DRC1: variants seen among roughly 807,000 people sequenced by gnomAD.
DRC1 encodes the protein dynein regulatory complex subunit 1, also known as dynein regulatory complex protein 1.
A neutral mutation model predicts 98.7 loss-of-function variants in DRC1; 74 were observed. That is an observed-to-expected ratio of 0.75 (90% CI 0.62 to 0.91). The LOEUF (loss-of-function observed/expected upper bound fraction) is 0.91. Among genes scored for constraint, DRC1 ranks in the 40% least tolerant of loss-of-function variants. The pLI, the probability that DRC1 is intolerant of heterozygous loss-of-function variation, is 0.00. For synonymous variants in DRC1, 336 were observed against 334.1 expected (o/e 1.01, Z -0.06); for missense variants, 875 against 886.0 (o/e 0.99, Z 0.16).
chr2:26,444,646 G>A, intron 9 of DRC1, 70 bp from the exon 10 acceptor site: 2 of 1,417,996 alleles, frequency 1.4e-6, no homozygotes, highest in Non-Finnish European at 2.0e-6. Context: ...TTCCTGCCCT[G>A]CTGCTATTTG....
At chr2:26,456,377 TG>T in intron 16 of DRC1, 83 bp from the exon 17 acceptor site, 1 of 1,555,732 alleles carries the variant, frequency 6.4e-7, no homozygotes, top group Non-Finnish European at 8.8e-7. Context: ...TGGAGGCCCA[TG>T]GGAGAGCCAG....
intron 8 of DRC1, among the ~76,000 whole-genome samples, chr2:26,441,383 A>G (rs1558449836): frequency 1.3e-5 from 2 of 152,226 alleles, no homozygotes; most frequent in African/African-American, 2.4e-5. Flanking sequence ...GTAGTTACTT[A>G]TTACAGAAAA....
At position 26,444,185 on chromosome 2, in the gene DRC1, A is replaced by C. The variant is rs375562110; in HGVS notation, c.1029-37A>C. The C allele has an allele frequency of 1.0e-4, 164 of 1,613,392 alleles. 2 individuals are homozygous for C. The African/African-American group carries it at 1.9e-3, about 19-fold the overall frequency. ...GAGAGGAACATACATAATACCTTCT[A>C]TTCAGCTGCAGACTAACCTTTTTCT... is the stretch of plus-strand genomic sequence containing the variant. On this transcript the variant is annotated intron_variant, in intron 8 of 16. Coordinates refer to ENST00000288710, the MANE Select transcript of DRC1 (RefSeq NM_145038.5).
At chr2:26,420,467 G>A (rs763634450) in intron 2 of DRC1, among the ~76,000 whole-genome samples, 1 of 152,134 alleles carries the variant, frequency 6.6e-6, no homozygotes, top group Non-Finnish European at 1.5e-5. Context: ...AAAGGCTCCC[G>A]GCAGTGTCAG....
intron 16 of DRC1, 141 bp from the exon 17 acceptor site, chr2:26,456,320 G>C (rs1664170003): frequency 1.0e-6 from 1 of 992,414 alleles, no homozygotes; most frequent in Admixed American, 2.2e-5. Context: ...GCAGTCTGTG[G>C]GTGTTCAGCA....
chr2:26,407,436 T>A, intron 1 of DRC1, among the ~76,000 whole-genome samples: 1 of 152,174 alleles, frequency 6.6e-6, no homozygotes, highest in East Asian at 1.9e-4. Context: ...TATTCATCCG[T>A]GAGGATTTAA....
chr2:26,442,365 G>A (rs1663739997), intron 8 of DRC1, among the ~76,000 whole-genome samples: 1 of 152,220 alleles, frequency 6.6e-6, no homozygotes, highest in Non-Finnish European at 1.5e-5. Flanking sequence ...TTCTAGCCAA[G>A]CGCAGTGGCT....
chr2:26,452,777 C>G (rs955605442), intron 13 of DRC1, among the ~76,000 whole-genome samples: 1 of 152,056 alleles, frequency 6.6e-6, no homozygotes, highest in African/African-American at 2.4e-5. Context: ...AGTGTAAAAG[C>G]AAACTACAGA....
At chr2:26,438,250 C>T (rs533126703) in intron 7 of DRC1, among the ~76,000 whole-genome samples, 11 of 152,150 alleles carry the variant, frequency 7.2e-5, no homozygotes, top group South Asian at 2.1e-4. Context: ...GAGGGAAACA[C>T]GCCAACATTA....
chr2:26,409,867 G>A (rs1678541889), intron 1 of DRC1, among the ~76,000 whole-genome samples: 1 of 151,950 alleles, frequency 6.6e-6, no homozygotes, highest in Non-Finnish European at 1.5e-5. Context: ...AGGCATCTGA[G>A]GAAAGTCTTT....
At position 26,455,244 on chromosome 2, in the gene DRC1, G is replaced by A. The variant is rs765196304; in HGVS notation, c.2166+11G>A. On this transcript the variant is annotated intron_variant, in intron 16 of 16. Coordinates refer to ENST00000288710, the MANE Select transcript of DRC1 (RefSeq NM_145038.5). ...TATCTGAACTCCAAGGTGGGCGGCG[G>A]GGCCTTCCAAGGAGGGGCAGCGGGA... 3 of 1,610,060 alleles carry A rather than the reference G, an allele frequency of 1.9e-6. No homozygotes were observed. Among genetic ancestry groups the A allele is most frequent in the Non-Finnish European group, 2.5e-6 (3 of 1,177,950 alleles).
Position 26,450,691 on chromosome 2 carries a change from G to A in DRC1, c.1689+10G>A. ...ATCTTCCAGCCTCCAGGTAAGGCAA[G>A]GTGCAGAGAGAAGAAAGCATTTTCT... On this transcript the variant is annotated intron_variant, in intron 13 of 16. Coordinates refer to ENST00000288710, the MANE Select transcript of DRC1 (RefSeq NM_145038.5). 3 of 1,551,092 alleles carry A rather than the reference G, an allele frequency of 1.9e-6. No individual in the cohort carries two copies. Among genetic ancestry groups the A allele is most frequent in the Non-Finnish European group, 2.6e-6 (3 of 1,153,814 alleles).
At chr2:26,429,891 C>T in intron 5 of DRC1, 126 bp downstream of exon 5, 1 of 1,048,820 alleles carries the variant, frequency 9.5e-7, no homozygotes, top group Non-Finnish European at 1.4e-6. Flanking sequence ...TGTTTCTGCT[C>T]TCAGGTTTTA....
At chr2:26,436,499 G>A (rs1264193931) in intron 7 of DRC1, among the ~76,000 whole-genome samples, 1 of 152,040 alleles carries the variant, frequency 6.6e-6, no homozygotes. Context: ...TTTTTGTAGA[G>A]ATAGGTTCTC....
intron 6 of DRC1, 85 bp downstream of exon 6, chr2:26,430,957 T>A: frequency 9.6e-5 from 68 of 711,944 alleles, no homozygotes; most frequent in Non-Finnish European, 1.2e-4. Context: ...CCTTTTTCTA[T>A]CTTTTTTTTT....
Position 26,416,387 on chromosome 2 carries a change from GCCTCAGCCTC to G in DRC1, c.243+1959_243+1968del, listed in dbSNP as rs1386977001. Reference sequence around the variant, plus strand: ...GATCTCTTGACCCAGTGATCTGCCTGCCTCAGCCTCCCAAAGTGCTGGGATTACAAGCGTG... The same window carrying G: ...GATCTCTTGACCCAGTGATCTGCCTGCCAAAGTGCTGGGATTACAAGCGTG... On this transcript the variant is annotated intron_variant, in intron 2 of 16. Coordinates refer to ENST00000288710, the MANE Select transcript of DRC1 (RefSeq NM_145038.5). Among the ~76,000 whole-genome samples, 13 of 152,192 alleles carry G rather than the reference GCCTCAGCCTC, an allele frequency of 8.5e-5. No homozygotes were observed. In the East Asian group the frequency reaches 2.1e-3, roughly 25 times the overall value.
intron 7 of DRC1, among the ~76,000 whole-genome samples, chr2:26,432,421 C>A (rs1336714205): frequency 1.3e-5 from 2 of 151,934 alleles, no homozygotes; most frequent in Non-Finnish European, 2.9e-5. Context: ...GTCACTTGAG[C>A]CCAGGAGTTT....
chr2:26,455,792 C>G (rs1293378937), intron 16 of DRC1, among the ~76,000 whole-genome samples: 1 of 152,234 alleles, frequency 6.6e-6, no homozygotes, highest in Non-Finnish European at 1.5e-5. Flanking sequence ...CTGTGCCCAA[C>G]CCTGCAATAG....
intron 10 of DRC1, among the ~76,000 whole-genome samples, chr2:26,446,041 T>A (rs1477609458): frequency 6.6e-6 from 1 of 151,914 alleles, no homozygotes; most frequent in Non-Finnish European, 1.5e-5. Flanking sequence ...TTCCTGCCTC[T>A]TGTCTGGAAT....
Sources: gnomAD v4.1 joint callset for allele counts (sites outside exome capture counted in the v4.1 genomes callset) on GRCh38, gnomAD v4.1.1 for gene constraint, MANE v1.5 for transcripts, NCBI Gene and HGNC (gene_info 2026-07-23, HGNC 2026-07-21) for gene names.